Variants in DYM observed in about 807,000 individuals in gnomAD.
DYM encodes dyggve-Melchior-Clausen syndrome protein.
A neutral mutation model predicts 93.1 loss-of-function variants in DYM; 78 were observed. The observed-to-expected ratio is 0.84, with a 90% CI of 0.70 to 1.01. DYM has a LOEUF of 1.01. Ranked by LOEUF, DYM falls within the 50% of genes least tolerant of loss-of-function variation. DYM has a pLI of 0.00. For synonymous variants in DYM, 321 were observed against 319.7 expected, an observed-to-expected ratio of 1.00 and a Z score of -0.04; for missense variants, 789 against 845.0, an observed-to-expected ratio of 0.93 and a Z score of 0.82.
chr18:49,315,614 G>A (rs1310105285), intron 8 of DYM, among the ~76,000 whole-genome samples: 1 of 152,080 alleles, frequency 6.6e-6, no homozygotes, highest in Non-Finnish European at 1.5e-5. Flanking sequence ...ACTAAAAGAC[G>A]TGATTTTAAA....
At chr18:49,050,525 G>A (rs538284296) in intron 17 of DYM, among the ~76,000 whole-genome samples, 36 of 152,244 alleles carry the variant, frequency 2.4e-4, no homozygotes, top group Admixed American at 2.3e-3. Context: ...CTTCCTGTAA[G>A]ATCGTGCAGC....
intron 16 of DYM, 89 bp from the exon 17 acceptor site, chr18:49,097,604 A>ATG: frequency 9.0e-7 from 1 of 1,114,900 alleles, no homozygotes; most frequent in Non-Finnish European, 1.3e-6. Flanking sequence ...TCAAACTATC[A>ATG]TGATTCCATT....
chr18:49,427,926 A>C (rs190779948), intron 2 of DYM, among the ~76,000 whole-genome samples: 6 of 152,208 alleles, frequency 3.9e-5, no homozygotes, highest in African/African-American at 1.4e-4. Flanking sequence ...TATGTCTACA[A>C]AAGATTTTTT....
intron 6 of DYM, among the ~76,000 whole-genome samples, chr18:49,349,889 C>T (rs747758690): frequency 2.6e-5 from 4 of 152,074 alleles, no homozygotes; most frequent in African/African-American, 4.8e-5. Flanking sequence ...CCCAGGAATT[C>T]GAGCTTGCAG....
At chr18:49,408,943 A>G (rs1292091655) in intron 2 of DYM, among the ~76,000 whole-genome samples, 3 of 152,220 alleles carry the variant, frequency 2.0e-5, no homozygotes, top group African/African-American at 4.8e-5. Flanking sequence ...AGAATGGTCT[A>G]GTCAACAAAA....
chr18:49,263,623 C>G (rs915939497), intron 11 of DYM, among the ~76,000 whole-genome samples: 48 of 151,634 alleles, frequency 3.2e-4, no homozygotes, highest in Admixed American at 7.2e-4. Context: ...CCAGCTACTC[C>G]AGAGGCAGAG....
chr18:49,429,673 A>T (rs1056808993), intron 2 of DYM, among the ~76,000 whole-genome samples: 22 of 152,232 alleles, frequency 1.4e-4, no homozygotes, highest in African/African-American at 5.3e-4. Context: ...TTGCAAATGC[A>T]CATACACTTT....
At chr18:49,442,071 T>C (rs2081685942) in intron 1 of DYM, among the ~76,000 whole-genome samples, 1 of 151,972 alleles carries the variant, frequency 6.6e-6, no homozygotes, top group Non-Finnish European at 1.5e-5. Context: ...GATACAGAAA[T>C]TTAGGAACTG....
chr18:49,341,253 G>A (rs1382543973), intron 6 of DYM, among the ~76,000 whole-genome samples: 1 of 152,184 alleles, frequency 6.6e-6, no homozygotes, highest in African/African-American at 2.4e-5. Context: ...CACTTTGGGA[G>A]GCCGAGGCGG....
Position 49,430,280 on chromosome 18 carries a change from A to C in DYM, c.115T>G (p.Phe39Val). The change falls in exon 2 of 18, where the codon TTT becomes GTT. Residue 39 changes from phenylalanine to valine, a missense_variant. By Grantham distance (50) the Phe-to-Val change is conservative. This residue lies in a region of DYM where 450 missense variants were observed against 436.2 expected (regional missense o/e 1.03). Transcript: ENST00000675505. ...NDPFWNQLLS[F>V]SFPAPTSSSE... The stretch of plus-strand genomic sequence containing the variant: ...CTGCTAGTTGGTGCAGGGAAAGAAA[A>C]TGAGAGAAGCTGATTCCAGAACGGG... 6.2e-7 allele frequency: 1 copy of C among 1,614,036 alleles called. No individual in the cohort carries two copies. The highest frequency in any genetic ancestry group is 8.5e-7 in the Non-Finnish European group (1 of 1,179,996).
rs755369023 is a variant in DYM at position 49,430,319 on chromosome 18, T to C, written c.76A>G (p.Ile26Val). 2.0e-5 allele frequency: 33 copies of C among 1,613,956 alleles called. No individual in the cohort carries two copies. The highest frequency in any genetic ancestry group is 4.5e-5 in the East Asian group (2 of 44,882). ...TTCCAGAACGGGTCATTCTCAGAGA[T>C]AGATTCCGTGCCTGATAACTTTTTC... ...YLKKLSGTESISENDPFWNQL... is the reference protein window; with the variant it reads ...YLKKLSGTESVSENDPFWNQL... The change falls in exon 2 of 18, where the codon ATC becomes GTC. Residue 26 changes from isoleucine to valine, a missense_variant. Physicochemically the swap from Ile to Val is conservative, Grantham distance 29. This residue lies in a region of DYM where 450 missense variants were observed against 436.2 expected (regional missense o/e 1.03). Coordinates refer to ENST00000675505, the MANE Select transcript of DYM (RefSeq NM_001353214.3).
At chr18:49,155,755 G>A (rs2086336898) in intron 15 of DYM, among the ~76,000 whole-genome samples, 2 of 152,170 alleles carry the variant, frequency 1.3e-5, no homozygotes, top group Admixed American at 1.3e-4. Flanking sequence ...AGGGCTAGTA[G>A]TATCTCACAT....
intron 6 of DYM, among the ~76,000 whole-genome samples, chr18:49,349,801 T>C (rs972172251): frequency 6.6e-6 from 1 of 151,784 alleles, no homozygotes; most frequent in East Asian, 1.9e-4. Context: ...ACTAAAAATT[T>C]TAAAAATTAG....
intron 6 of DYM, among the ~76,000 whole-genome samples, chr18:49,353,638 A>G (rs1303901419): frequency 6.6e-6 from 1 of 152,056 alleles, no homozygotes; most frequent in East Asian, 1.9e-4. Context: ...GCAGACGTCA[A>G]TAAATAATTT....
At chr18:49,081,491 G>T (rs1238507034) in intron 17 of DYM, among the ~76,000 whole-genome samples, 81 of 144,928 alleles carry the variant, frequency 5.6e-4, no homozygotes, top group African/African-American at 2.0e-3. Context: ...GAGGGAGACC[G>T]TGGAAAGAGA....
intron 1 of DYM, among the ~76,000 whole-genome samples, chr18:49,451,406 G>A (rs1190739051): frequency 6.6e-6 from 1 of 151,740 alleles, no homozygotes; most frequent in Non-Finnish European, 1.5e-5. Flanking sequence ...AAAGCCCCAT[G>A]GGAAGAACTG....
chr18:49,387,651 T>G (rs1010083177), intron 3 of DYM, among the ~76,000 whole-genome samples: 1 of 152,202 alleles, frequency 6.6e-6, no homozygotes, highest in Non-Finnish European at 1.5e-5. Context: ...TGTTAGCATT[T>G]TTTTGCAACA....
chr18:49,155,989 C>T (rs1020022429), intron 15 of DYM, among the ~76,000 whole-genome samples: 1 of 152,166 alleles, frequency 6.6e-6, no homozygotes, highest in East Asian at 1.9e-4. Context: ...AAAATGGCTG[C>T]ACCATATAAC....
At chr18:49,078,325 T>C (rs1419779352) in intron 17 of DYM, among the ~76,000 whole-genome samples, 2 of 152,156 alleles carry the variant, frequency 1.3e-5, no homozygotes, top group Non-Finnish European at 2.9e-5. Flanking sequence ...TTATTTCACG[T>C]TGCATGCCTG....
Sources: allele counts gnomAD v4.1 joint callset (sites outside exome capture counted in the v4.1 genomes callset), GRCh38; gene constraint gnomAD v4.1.1; regional missense constraint gnomAD v4.1.1; transcripts MANE v1.5; gene names NCBI Gene and HGNC (gene_info 2026-07-23, HGNC 2026-07-21).